Variants in ROBO1 observed in about 807,000 individuals in gnomAD.
The protein encoded by ROBO1 is roundabout homolog 1.
Under a neutral mutation model 195.9 loss-of-function variants are expected in ROBO1, and 149 were observed. The observed-to-expected ratio is 0.76, with a 90% CI of 0.67 to 0.87. The LOEUF (loss-of-function observed/expected upper bound fraction) is 0.87, where lower values mean the gene tolerates loss of function less well. Ranked by LOEUF, ROBO1 falls within the 40% of genes least tolerant of loss-of-function variation. The pLI is 0.00. For synonymous variants in ROBO1, 816 were observed against 733.2 expected (o/e 1.11, Z -1.82); for missense variants, 1,933 against 2,068.3 (o/e 0.93, Z 1.27).
intron 3 of ROBO1, among the ~76,000 whole-genome samples, chr3:79,020,587 G>T (rs1328663158): frequency 6.6e-6 from 1 of 152,154 alleles, no homozygotes; most frequent in Non-Finnish European, 1.5e-5. Context: ...AGCTGCTCGG[G>T]AGGCTAAGAC....
At chr3:78,755,404 A>T (rs1431053523) in intron 4 of ROBO1, among the ~76,000 whole-genome samples, 1 of 152,004 alleles carries the variant, frequency 6.6e-6, no homozygotes, top group Non-Finnish European at 1.5e-5. Context: ...AGCCTGGGAG[A>T]TTGAGGCCAC....
chr3:79,575,073 T>G (rs558648931), intron 2 of ROBO1, among the ~76,000 whole-genome samples: 6 of 145,498 alleles, frequency 4.1e-5, no homozygotes, highest in Non-Finnish European at 7.5e-5. Context: ...TCTGTCTTTG[T>G]GTTTTTAAAC....
intron 4 of ROBO1, among the ~76,000 whole-genome samples, chr3:78,793,887 T>G (rs2108540102): frequency 6.6e-6 from 1 of 152,316 alleles, no homozygotes; most frequent in South Asian, 2.1e-4. Context: ...AAATGTATTT[T>G]TCTTCAAAGA....
chr3:78,683,041 A>T (rs1315177148), intron 10 of ROBO1, among the ~76,000 whole-genome samples: 3 of 152,034 alleles, frequency 2.0e-5, no homozygotes, highest in African/African-American at 7.2e-5. Context: ...ATTGGCAATA[A>T]TGGACATATT....
At chr3:79,720,411 G>C (rs1702648246) in intron 1 of ROBO1, among the ~76,000 whole-genome samples, 1 of 152,140 alleles carries the variant, frequency 6.6e-6, no homozygotes, top group Non-Finnish European at 1.5e-5. Context: ...GTCCAGCTGA[G>C]CTTTACCTAC....
chr3:79,503,461 A>C (rs1199172517), intron 2 of ROBO1, among the ~76,000 whole-genome samples: 1 of 152,216 alleles, frequency 6.6e-6, no homozygotes, highest in Non-Finnish European at 1.5e-5. Flanking sequence ...CCAATTCCGG[A>C]CACACAAGCA....
intron 5 of ROBO1, among the ~76,000 whole-genome samples, chr3:78,735,422 A>C (rs187615716): frequency 2.0e-5 from 3 of 152,340 alleles, no homozygotes; most frequent in South Asian, 4.1e-4. Context: ...TGCTTTGGAC[A>C]TAACAGACCT....
intron 4 of ROBO1, among the ~76,000 whole-genome samples, chr3:78,928,132 A>T (rs948816158): frequency 6.6e-6 from 1 of 152,224 alleles, no homozygotes; most frequent in Non-Finnish European, 1.5e-5. Context: ...TTTCAGCAAG[A>T]TCACAGAGCT....
At chr3:79,652,571 C>A (rs1946042966) in intron 1 of ROBO1, among the ~76,000 whole-genome samples, 1 of 151,994 alleles carries the variant, frequency 6.6e-6, no homozygotes, top group Non-Finnish European at 1.5e-5. Context: ...TCTATAAAGC[C>A]TCAATGCAAT....
intron 1 of ROBO1, among the ~76,000 whole-genome samples, chr3:79,633,628 G>A (rs1945411335): frequency 6.6e-6 from 1 of 151,824 alleles, no homozygotes; most frequent in African/African-American, 2.4e-5. Context: ...ACCCTCTTAA[G>A]CATAATTCTG....
chr3:79,024,257 C>T (rs1163508743), intron 3 of ROBO1, among the ~76,000 whole-genome samples: 1 of 152,092 alleles, frequency 6.6e-6, no homozygotes, highest in Non-Finnish European at 1.5e-5. Flanking sequence ...TTTGATAGAG[C>T]CTGGGGCCTT....
At chr3:79,439,633 T>C (rs2038990745) in intron 2 of ROBO1, among the ~76,000 whole-genome samples, 1 of 152,114 alleles carries the variant, frequency 6.6e-6, no homozygotes, top group South Asian at 2.1e-4. Context: ...AATTTAATAG[T>C]TAAATATAAA....
intron 3 of ROBO1, among the ~76,000 whole-genome samples, chr3:78,946,085 T>G (rs1280933038): frequency 6.6e-6 from 1 of 152,182 alleles, no homozygotes; most frequent in Non-Finnish European, 1.5e-5. Context: ...GGAACCAAGT[T>G]GGAAAACACT....
chr3:79,699,862 C>T (rs759678918), intron 1 of ROBO1, among the ~76,000 whole-genome samples: 6 of 151,526 alleles, frequency 4.0e-5, no homozygotes, highest in East Asian at 1.9e-4. Context: ...TTTAGAGTCA[C>T]GGAGTGTATG....
chr3:78,605,323 C>T (rs1231133443), intron 29 of ROBO1, among the ~76,000 whole-genome samples: 1 of 152,114 alleles, frequency 6.6e-6, no homozygotes, highest in African/African-American at 2.4e-5. Context: ...TCTGCCTACT[C>T]TCTAAGTATA....
chr3:79,409,321 G>A (rs981110848), intron 2 of ROBO1, among the ~76,000 whole-genome samples: 1 of 151,972 alleles, frequency 6.6e-6, no homozygotes, highest in African/African-American at 2.4e-5. Context: ...CATTCCCATA[G>A]CATTCAGGTC....
At chr3:79,443,193 T>A (rs531221630) in intron 2 of ROBO1, among the ~76,000 whole-genome samples, 1 of 152,256 alleles carries the variant, frequency 6.6e-6, no homozygotes, top group African/African-American at 2.4e-5. Flanking sequence ...GGAGAAAAAT[T>A]ATGTACCTTA....
At chr3:79,208,908 A>G (rs1365686624) in intron 2 of ROBO1, among the ~76,000 whole-genome samples, 2 of 152,146 alleles carry the variant, frequency 1.3e-5, no homozygotes, top group Non-Finnish European at 2.9e-5. Flanking sequence ...GTTTCTAGCA[A>G]AAGAGTCACA....
intron 2 of ROBO1, among the ~76,000 whole-genome samples, chr3:79,253,286 T>C (rs1239558631): frequency 6.6e-6 from 1 of 152,096 alleles, no homozygotes; most frequent in Non-Finnish European, 1.5e-5. Flanking sequence ...AGATGTACCA[T>C]TAGAAGACCC....
Sources: allele counts gnomAD v4.1 joint callset (sites outside exome capture counted in the v4.1 genomes callset), GRCh38; gene constraint gnomAD v4.1.1; transcripts MANE v1.5; gene names NCBI Gene and HGNC (gene_info 2026-07-23, HGNC 2026-07-21).